The following INPP4B variants were observed in gnomAD, a reference collection of about 807,000 sequenced individuals.
INPP4B encodes inositol polyphosphate 4-phosphatase type II.
In INPP4B, 55 loss-of-function variants were observed where a neutral mutation model predicts 122.5. The ratio of observed to expected loss-of-function variants is 0.45; its 90% CI spans 0.36 to 0.56. The LOEUF (loss-of-function observed/expected upper bound fraction) is 0.56. Among genes scored for constraint, INPP4B ranks in the 20% least tolerant of loss-of-function variants. The probability of loss-of-function intolerance (pLI) is 0.00; values close to 1 mark genes in which losing one functional copy is unlikely to be tolerated. For missense variants in INPP4B, 1,000 were observed against 1,097.7 expected (o/e 0.91, Z 1.26); for synonymous variants, 403 against 388.7 (o/e 1.04, Z -0.43).
intron 2 of INPP4B, among the ~76,000 whole-genome samples, chr4:142,500,136 A>T (rs1262607582): frequency 6.6e-6 from 1 of 152,194 alleles, no homozygotes; most frequent in African/African-American, 2.4e-5. Flanking sequence ...AGGCTAATGA[A>T]CTTTTCTCTC....
chr4:142,226,435 TG>T (rs1455632992), intron 12 of INPP4B, among the ~76,000 whole-genome samples: 1 of 152,214 alleles, frequency 6.6e-6, no homozygotes, highest in Non-Finnish European at 1.5e-5. Flanking sequence ...ATCATGATTA[TG>T]GAATAATTTA....
intron 7 of INPP4B, among the ~76,000 whole-genome samples, chr4:142,368,065 T>C (rs1003509954): frequency 6.6e-6 from 1 of 152,160 alleles, no homozygotes; most frequent in Non-Finnish European, 1.5e-5. Flanking sequence ...CATGCTGCCT[T>C]TGCAACCGTG....
At chr4:142,509,441 T>C (rs1041782082) in intron 2 of INPP4B, among the ~76,000 whole-genome samples, 1 of 152,096 alleles carries the variant, frequency 6.6e-6, no homozygotes, top group African/African-American at 2.4e-5. Context: ...TGTGTTCTCA[T>C]TGTTCAACCC....
chr4:142,152,034 TTC>T (rs1252960308), intron 17 of INPP4B, among the ~76,000 whole-genome samples: 1 of 151,514 alleles, frequency 6.6e-6, no homozygotes, highest in Non-Finnish European at 1.5e-5. Flanking sequence ...TGTTTCATGC[TTC>T]TCTCTGCCTA....
At chr4:142,147,640 C>T (rs192057732) in intron 17 of INPP4B, among the ~76,000 whole-genome samples, 10 of 152,226 alleles carry the variant, frequency 6.6e-5, no homozygotes, top group African/African-American at 2.4e-4. Context: ...TACTATTTGG[C>T]AAAATCACAT....
chr4:142,098,070 A>G (rs1782771540), intron 23 of INPP4B, among the ~76,000 whole-genome samples: 1 of 152,146 alleles, frequency 6.6e-6, no homozygotes, highest in African/African-American at 2.4e-5. Flanking sequence ...GAGGGTGTTT[A>G]AGAAAGGCCT....
chr4:142,092,120 T>C (rs1451503552), intron 23 of INPP4B, among the ~76,000 whole-genome samples: 2 of 152,194 alleles, frequency 1.3e-5, no homozygotes, highest in Non-Finnish European at 2.9e-5. Flanking sequence ...CCTGTGCTGT[T>C]CCAGCTGAGT....
chr4:142,321,712 A>G (rs1024981403), intron 7 of INPP4B, among the ~76,000 whole-genome samples: 1 of 151,812 alleles, frequency 6.6e-6, no homozygotes, highest in African/African-American at 2.4e-5. Flanking sequence ...ATGTTTCCCT[A>G]CTTTTGCCTG....
intron 9 of INPP4B, among the ~76,000 whole-genome samples, chr4:142,297,751 C>T (rs867736086): frequency 6.6e-6 from 1 of 152,166 alleles, no homozygotes; most frequent in Non-Finnish European, 1.5e-5. Context: ...CAGCCTAACA[C>T]ACCAAGTTTA....
At chr4:142,346,765 TAAATC>T (rs762879950) in intron 7 of INPP4B, among the ~76,000 whole-genome samples, 8 of 152,190 alleles carry the variant, frequency 5.3e-5, no homozygotes, top group Admixed American at 3.3e-4. Flanking sequence ...ATGTTTGGTA[TAAATC>T]AGAATCTTTC....
At chr4:142,843,475 A>G (rs1363227740) in intron 1 of INPP4B, among the ~76,000 whole-genome samples, 1 of 151,964 alleles carries the variant, frequency 6.6e-6, no homozygotes, top group Non-Finnish European at 1.5e-5. Context: ...GAAGAGACTC[A>G]CACAGCTTTC....
chr4:142,612,056 G>A (rs553817282), intron 2 of INPP4B, among the ~76,000 whole-genome samples: 1 of 152,092 alleles, frequency 6.6e-6, no homozygotes, highest in Non-Finnish European at 1.5e-5. Flanking sequence ...GACCTCAATA[G>A]GTTTGCATAC....
In INPP4B at chr4:142,268,318, G is replaced by A. The variant is rs370286670; in HGVS notation, c.615+2345C>T. Among the ~76,000 whole-genome samples, 23 of 1,472 alleles carry A rather than the reference G, an allele frequency of 0.016. 1 individual carries two copies. In the Non-Finnish European group the frequency reaches 0.17, roughly 11 times the overall value. 1.0% of individuals were successfully genotyped at this position (1,472 alleles called of 152,430 possible). ...GGCCTGGGTGACAGAGCAAGACTCC[G>A]TCTCAAAAAAAAAAAAAAAAAAAAA... On this transcript the variant is annotated intron_variant, in intron 10 of 25. Transcript: ENST00000262992.
chr4:142,375,650 G>A (rs1235400288), intron 7 of INPP4B, among the ~76,000 whole-genome samples: 1 of 151,846 alleles, frequency 6.6e-6, no homozygotes, highest in Non-Finnish European at 1.5e-5. Context: ...TGAATAAAAG[G>A]GACAAAATCA....
At chr4:142,307,256 GCTCT>G (rs1424456339) in intron 8 of INPP4B, among the ~76,000 whole-genome samples, 1 of 152,070 alleles carries the variant, frequency 6.6e-6, no homozygotes, top group Admixed American at 6.6e-5. Context: ...CACCAGAGAT[GCTCT>G]CTAAGACATC....
Position 142,209,023 on chromosome 4 carries a change from G to A in INPP4B, c.840C>T (p.Asn280=). 1.3e-6 allele frequency: 2 copies of A among 1,598,812 alleles called. No individual in the cohort carries two copies. The highest frequency in any genetic ancestry group is 8.5e-7 in the Non-Finnish European group (1 of 1,170,436). Residue 280 remains asparagine (N), a synonymous_variant, in exon 13 of 26, where the codon AAC becomes AAT. Transcript: ENST00000262992. ...SLHIKEDLCR[N]QEIKELGELS... is the part of the protein sequence containing the mutation. ...GCTCACCAAGTTCTTTTATCTCCTG[G>A]TTTCTGTTAAGAGTGGAAGAGAAGA... is the stretch of plus-strand genomic sequence containing the variant.
At chr4:142,769,703 T>C (rs2150995310) in intron 1 of INPP4B, among the ~76,000 whole-genome samples, 1 of 152,038 alleles carries the variant, frequency 6.6e-6, no homozygotes, top group Non-Finnish European at 1.5e-5. Flanking sequence ...TCACCTGAGG[T>C]CAGGAGTTTG....
rs572015339 is a variant in INPP4B, at chr4:142,733,116, C to A, written c.-253-7215G>T. Among the ~76,000 whole-genome samples, 47 of 152,166 alleles carry A rather than the reference C, an allele frequency of 3.1e-4. No homozygotes were observed. In the East Asian group the frequency reaches 8.9e-3, roughly 29 times the overall value. ...AAATGGTGCTGAATGAATTACATAT[C>A]AATTTGTGGGGAAAAAGTGGATCCT... On this transcript the variant is annotated intron_variant, in intron 1 of 25. Coordinates refer to ENST00000262992, the MANE Select transcript of INPP4B (RefSeq NM_001101669.3).
intron 3 of INPP4B, among the ~76,000 whole-genome samples, chr4:142,436,111 C>T (rs1238467874): frequency 6.6e-6 from 1 of 152,186 alleles, no homozygotes; most frequent in East Asian, 1.9e-4. Context: ...AGGTATTCTC[C>T]ACAGCCCAGC....
Sources: allele counts gnomAD v4.1 joint callset (sites outside exome capture counted in the v4.1 genomes callset), GRCh38; gene constraint gnomAD v4.1.1; transcripts MANE v1.5; gene names NCBI Gene and HGNC (gene_info 2026-07-23, HGNC 2026-07-21).